MED16: variants seen among roughly 807,000 people sequenced by gnomAD.
MED16 encodes the protein mediator of RNA polymerase II transcription subunit 16.
A neutral mutation model predicts 84.4 loss-of-function variants in MED16; 81 were observed. That is an observed-to-expected ratio of 0.96 (90% CI 0.80 to 1.15). MED16 has a LOEUF of 1.15. Ranked by LOEUF, MED16 falls within the 50% of genes most tolerant of loss-of-function variation. MED16 has a pLI of 0.00. For missense variants in MED16, 1,585 were observed against 1,245.9 expected, an observed-to-expected ratio of 1.27 and a Z score of -4.10; for synonymous variants, 897 against 552.2, an observed-to-expected ratio of 1.62 and a Z score of -8.76.
intron 6 of MED16, among the ~76,000 whole-genome samples, chr19:884,414 G>C (rs1043151705): frequency 2.0e-5 from 3 of 152,038 alleles, no homozygotes; most frequent in Admixed American, 6.6e-5. Flanking sequence ...GGCTGCTGGA[G>C]AGGTGGGGTG....
rs1180045592 is a variant in MED16 at position 872,912 on chromosome 19, C to T, written c.1905+537G>A. On this transcript the variant is annotated intron_variant, in intron 11 of 15. Transcript: ENST00000325464. Reference sequence around the variant, plus strand: ...GGTGTGGCCAAGGAAAGGCTTCTTACAGCAGAGGCTTCATGGAGAGGAGGG... The same window carrying T: ...GGTGTGGCCAAGGAAAGGCTTCTTATAGCAGAGGCTTCATGGAGAGGAGGG... The T allele has an allele frequency of 6.8e-5, 70 of 1,025,022 alleles. 3 individuals carry two copies. In the South Asian group the frequency reaches 1.9e-3, roughly 28 times the overall value. 63.5% of individuals were successfully genotyped at this position (1,025,022 alleles called of 1,614,324 possible).
intron 11 of MED16, 46 bp from the exon 12 acceptor site, chr19:872,164 T>C (rs546364758): frequency 6.5e-7 from 1 of 1,529,696 alleles, no homozygotes; most frequent in Non-Finnish European, 8.9e-7. Flanking sequence ...GGGGGGCAGA[T>C]GGCGATGGGA....
intron 4 of MED16, among the ~76,000 whole-genome samples, chr19:887,412 A>C (rs1377685798): frequency 6.6e-6 from 1 of 152,094 alleles, no homozygotes; most frequent in African/African-American, 2.4e-5. Flanking sequence ...TCACGCCTGT[A>C]ATCTCAGCAC....
chr19:868,664 C>T (rs866928944), intron 14 of MED16, among the ~76,000 whole-genome samples, 165 bp from the exon 15 acceptor site: 3 of 152,108 alleles, frequency 2.0e-5, no homozygotes, highest in Admixed American at 6.5e-5. Context: ...CTCCTCCCCC[C>T]AGCAATGCTG....
At chr19:885,293 C>G (rs1306903897) in intron 5 of MED16, among the ~76,000 whole-genome samples, 1 of 152,166 alleles carries the variant, frequency 6.6e-6, no homozygotes, top group Non-Finnish European at 1.5e-5. Flanking sequence ...TTACTGATTC[C>G]TAATTACAAC....
At chr19:871,312 C>CGGGGGGGGGGAGCG in intron 12 of MED16, 59 bp from the exon 13 acceptor site, 1 of 1,476,950 alleles carries the variant, frequency 6.8e-7, no homozygotes, top group Non-Finnish European at 9.1e-7. Flanking sequence ...CCCGGCCACC[C>CGGGGGGGGGGAGCG]GGGACGTGCT....
chr19:873,388 G>T, intron 11 of MED16, 61 bp downstream of exon 11: 1 of 1,552,730 alleles, frequency 6.4e-7, no homozygotes, highest in Non-Finnish European at 8.7e-7. Context: ...CAGGGAAGCG[G>T]GGTCCTGATG....
Position 890,233 on chromosome 19 carries a change from T to C in MED16, c.181A>G (p.Met61Val), listed in dbSNP as rs534603609. 3.9e-6 allele frequency: 6 copies of C among 1,550,890 alleles called. No homozygotes were observed. In the African/African-American group the frequency reaches 5.5e-5, roughly 14 times the overall value. ...TGCTCCGTGTCCAGGATGTGGATCA[T>C]GCGGGTCAGGTCTGTGGGGACGGGG... Reference protein sequence around the residue: ...LRSDDQDLTRMIHILDTEHPW... With the variant: ...LRSDDQDLTRVIHILDTEHPW... Residue 61 changes from methionine to valine, a missense_variant, in exon 3 of 16, where the codon ATG (methionine) becomes GTG (valine). Coordinates refer to ENST00000325464, the MANE Select transcript of MED16 (RefSeq NM_005481.3).
chr19:871,402 C>G (rs2036050861), intron 12 of MED16, 149 bp from the exon 13 acceptor site: 2 of 1,314,598 alleles, frequency 1.5e-6, no homozygotes, highest in Non-Finnish European at 2.0e-6. Context: ...GGTTCTCTCA[C>G]CAGGTCGGGG....
At chr19:885,075 TGAGCTGCGG>T (rs769515965) in intron 5 of MED16, 67 bp from the exon 6 acceptor site, 4 of 1,270,714 alleles carry the variant, frequency 3.1e-6, no homozygotes, top group Non-Finnish European at 4.4e-6. Flanking sequence ...CACCGGAGCC[TGAGCTGCGG>T]GACCCTGGGG....
intron 13 of MED16, among the ~76,000 whole-genome samples, chr19:870,514 C>T (rs535119763): frequency 3.4e-5 from 5 of 148,272 alleles, no homozygotes; most frequent in East Asian, 4.0e-4. Flanking sequence ...TGGGCCAAGA[C>T]GGCACTACTG....
At chr19:889,205 G>A (rs924549757) in intron 4 of MED16, among the ~76,000 whole-genome samples, 14 of 149,492 alleles carry the variant, frequency 9.4e-5, no homozygotes, top group East Asian at 3.9e-4. Context: ...CCCTGGCCAC[G>A]CCTACTCTTA....
chr19:875,358 G>A lies in MED16; in HGVS notation c.1657C>T (p.Leu553Phe), dbSNP rs1046972903. 6.2e-7 allele frequency: 1 copy of A among 1,610,100 alleles called. No homozygotes were observed. Among genetic ancestry groups the A allele is most frequent in the Non-Finnish European group, 8.5e-7 (1 of 1,179,792 alleles). The part of the protein sequence containing the change: ...RVCDYHTKLF[L>F]IAISSTLKSL... ...TTCAGGGTGGAGCTGATGGCGATGA[G>A]GAAGAGCTTGGTGTGGTAGTCGCAC... The change falls in exon 10 of 16, where the codon CTC becomes TTC. Residue 553 changes from leucine (L) to phenylalanine (F), a missense_variant. By Grantham distance (22) the Leu-to-Phe change is conservative (BLOSUM62 0). Transcript: ENST00000325464.
intron 2 of MED16, 53 bp downstream of exon 2, chr19:890,910 C>G: frequency 6.4e-7 from 1 of 1,571,016 alleles, no homozygotes; most frequent in South Asian, 1.1e-5. Flanking sequence ...ACCTGGGGAA[C>G]AGGGCGGGAC....
At chr19:874,487 C>A (rs188852622) in intron 10 of MED16, among the ~76,000 whole-genome samples, 1 of 152,256 alleles carries the variant, frequency 6.6e-6, no homozygotes, top group East Asian at 1.9e-4. Context: ...GAGGCAGAGG[C>A]GAGTAGGACA....
chr19:869,057 C>G, intron 13 of MED16, 111 bp from the exon 14 acceptor site: 3 of 938,788 alleles, frequency 3.2e-6, no homozygotes, highest in Non-Finnish European at 4.6e-6. Context: ...CTCACACCAT[C>G]TGCCAGGTGG....
At chr19:868,780 G>A (rs1191598625) in intron 14 of MED16, 83 bp downstream of exon 14, 37 of 1,409,834 alleles carry the variant, frequency 2.6e-5, no homozygotes, top group Non-Finnish European at 1.5e-5. Flanking sequence ...TTGACCGTCT[G>A]GAGCGCTGGG....
At chr19:873,680 C>T in intron 10 of MED16, 98 bp from the exon 11 acceptor site, 1 of 1,395,524 alleles carries the variant, frequency 7.2e-7, no homozygotes, top group Non-Finnish European at 9.9e-7. Context: ...GAGTGCCCAC[C>T]CAGTACCAGG....
intron 9 of MED16, among the ~76,000 whole-genome samples, chr19:876,106 C>T (rs894847254): frequency 6.6e-6 from 1 of 152,156 alleles, no homozygotes; most frequent in Non-Finnish European, 1.5e-5. Flanking sequence ...GGGTCTCACG[C>T]GTTTCTCGGC....
Sources: allele counts gnomAD v4.1 joint callset (sites outside exome capture counted in the v4.1 genomes callset), GRCh38; gene constraint gnomAD v4.1.1; transcripts MANE v1.5; gene names NCBI Gene and HGNC (gene_info 2026-07-23, HGNC 2026-07-21).